MDN1: variants seen among roughly 807,000 people sequenced by gnomAD.
MDN1 encodes the protein midasin.
MDN1 carries 266 observed loss-of-function variants against 669.2 expected under a neutral mutation model. That is an observed-to-expected ratio of 0.40 (90% confidence interval 0.36 to 0.44). The LOEUF (loss-of-function observed/expected upper bound fraction) is 0.44, where lower values mean the gene tolerates loss of function less well. MDN1 is among the 20% of genes least tolerant of loss of function. The pLI, the probability that MDN1 is intolerant of heterozygous loss-of-function variation, is 1.00. For synonymous variants in MDN1, 2,385 were observed against 2,457.1 expected, an observed-to-expected ratio of 0.97 and a Z score of 0.87; for missense variants, 5,940 against 6,754.0, an observed-to-expected ratio of 0.88 and a Z score of 4.22.
chr6:89,650,599 T>C, intron 96 of MDN1, 133 bp downstream of exon 96: 1 of 665,468 alleles, frequency 1.5e-6, no homozygotes, highest in Non-Finnish European at 2.6e-6. Flanking sequence ...AGGAACAGCA[T>C]ACTGGTGCCT....
chr6:89,710,648 CAG>C, intron 50 of MDN1, 31 bp downstream of exon 50: 1 of 1,271,324 alleles, frequency 7.9e-7, no homozygotes, highest in East Asian at 2.7e-5. Context: ...GTTTCCAAAA[CAG>C]TGCTGAGAGC....
rs545445629 is a variant in MDN1 at position 89,789,593 on chromosome 6, CA to C, written c.1230+186del. 3.1e-3 allele frequency among the ~76,000 whole-genome samples: 479 copies of C among 152,274 alleles called. 1 individual carries two copies. Among genetic ancestry groups the C allele is most frequent in the Non-Finnish European group, 4.7e-3 (322 of 68,016 alleles). The stretch of plus-strand genomic sequence containing the variant: ...AATTTTATAGAAAATCTCTATCAAA[CA>C]AGAAACCAGTCAAGTAATTCAGGAC... On this transcript the variant is annotated intron_variant, in intron 7 of 101. Transcript: ENST00000369393.
intron 18 of MDN1, 52 bp downstream of exon 18, chr6:89,758,764 A>G: frequency 6.3e-7 from 1 of 1,593,494 alleles, no homozygotes; most frequent in South Asian, 1.1e-5. Context: ...CTCACTCTAA[A>G]GTGGCCACAG....
intron 1 of MDN1, 58 bp from the exon 2 acceptor site, chr6:89,803,612 C>T (rs1767808620): frequency 1.1e-5 from 14 of 1,259,358 alleles, no homozygotes; most frequent in East Asian, 7.5e-5. Context: ...GACACAGTCT[C>T]GCTCTGTCGC....
Position 89,685,873 on chromosome 6 carries a change from C to G in MDN1, c.11673G>C (p.Leu3891=). ...TCAGCAAGACATGACAATGGAAAACCAGTAACATCTGAAGTCGCACATGGA... is the reference window on the plus strand; with the variant it reads ...TCAGCAAGACATGACAATGGAAAACGAGTAACATCTGAAGTCGCACATGGA... The part of the protein sequence containing the change: ...GEFHVRLQML[L]VFHCHVLLMP... The change falls in exon 70 of 102, where the codon CTG becomes CTC. Residue 3891 remains leucine (L), a synonymous_variant. Coordinates refer to ENST00000369393, the MANE Select transcript of MDN1 (RefSeq NM_014611.3). 6.2e-7 allele frequency: 1 copy of G among 1,614,040 alleles called. No homozygotes were observed. The highest frequency in any genetic ancestry group is 8.5e-7 in the Non-Finnish European group (1 of 1,180,010).
At chr6:89,675,789 T>A in intron 77 of MDN1, 1 of 569,732 alleles carries the variant, frequency 1.8e-6, no homozygotes, top group East Asian at 2.9e-5. Context: ...CAAAATGCAT[T>A]TATTAGTGGT....
At chr6:89,676,637 A>G (rs1811214351) in intron 76 of MDN1, among the ~76,000 whole-genome samples, 3 of 152,314 alleles carry the variant, frequency 2.0e-5, no homozygotes, top group Non-Finnish European at 4.4e-5. Context: ...AAAGGAGGAA[A>G]CTACTATTCA....
At chr6:89,808,014 C>T (rs1768125789) in intron 1 of MDN1, among the ~76,000 whole-genome samples, 1 of 151,670 alleles carries the variant, frequency 6.6e-6, no homozygotes. Context: ...CAGGATCTCA[C>T]TTTGTTGCCC....
intron 33 of MDN1, 21 bp downstream of exon 33, chr6:89,738,305 T>C: frequency 2.5e-6 from 4 of 1,612,434 alleles, no homozygotes; most frequent in South Asian, 1.1e-5. Flanking sequence ...AATACTACCA[T>C]CACCACCTGC....
chr6:89,731,812 C>A (rs1317454806), intron 34 of MDN1, among the ~76,000 whole-genome samples: 3 of 42,870 alleles, frequency 7.0e-5, no homozygotes, highest in South Asian at 9.2e-4. Flanking sequence ...CCCCCCCCCA[C>A]CTTTTCCTTT....
chr6:89,701,485 G>A, intron 55 of MDN1, 73 bp downstream of exon 55: 1 of 1,554,202 alleles, frequency 6.4e-7, no homozygotes, highest in Non-Finnish European at 8.8e-7. Flanking sequence ...TACAATGTCA[G>A]TTCCCAAGTT....
chr6:89,809,397 A>G (rs1483678275), intron 1 of MDN1, among the ~76,000 whole-genome samples: 5 of 151,498 alleles, frequency 3.3e-5, no homozygotes, highest in Non-Finnish European at 7.4e-5. Context: ...TTGGGAGGCC[A>G]AGGCAGGCAG....
At chr6:89,723,742 T>C in intron 38 of MDN1, 123 bp from the exon 39 acceptor site, 1 of 492,444 alleles carries the variant, frequency 2.0e-6, no homozygotes, top group South Asian at 5.0e-5. Context: ...AGAAATATAA[T>C]TTTCAGTTAT....
intron 101 of MDN1, 130 bp downstream of exon 101, chr6:89,644,885 C>G: frequency 1.0e-6 from 1 of 1,004,720 alleles, no homozygotes; most frequent in African/African-American, 1.6e-5. Flanking sequence ...TACAATGGTA[C>G]TTGACAGAAT....
In MDN1 at chr6:89,661,506, C is replaced by A. The variant is rs1472380462; in HGVS notation, c.14638G>T (p.Asp4880Tyr). The change falls in exon 88 of 102, where the codon GAC becomes TAC. Residue 4880 changes from aspartate to tyrosine, a missense_variant. By Grantham distance (160) the Asp-to-Tyr change is radical. Around this residue, in one of 5 missense-constraint regions of MDN1, gnomAD observed 2,280 missense variants for 2,576.3 expected, o/e 0.88. Transcript: ENST00000369393. ...QEKVPEPEAL[D>Y]LPDDLNLDSE... The stretch of plus-strand genomic sequence containing the variant: ...TCGAGGTTCAAGTCATCTGGAAGGT[C>A]CAAAGCCTCGGGTTCTGGCACCTTT... The A allele has an allele frequency of 5.6e-6, 9 of 1,614,192 alleles. No individual in the cohort carries two copies. The highest frequency in any genetic ancestry group is 7.6e-6 in the Non-Finnish European group (9 of 1,180,016).
At chr6:89,776,541 A>G (rs1818364948) in intron 12 of MDN1, 59 bp downstream of exon 12, 8 of 1,341,190 alleles carry the variant, frequency 6.0e-6, no homozygotes, top group African/African-American at 1.5e-5. Flanking sequence ...ACCAGCAAGC[A>G]AGCAAGCAAA....
intron 2 of MDN1, 95 bp downstream of exon 2, chr6:89,803,233 C>T (rs918346004): frequency 3.3e-5 from 34 of 1,028,654 alleles, no homozygotes; most frequent in African/African-American, 6.3e-5. Flanking sequence ...TCTGTATTTC[C>T]GTTTTACCTT....
chr6:89,732,453 A>T, intron 34 of MDN1, 104 bp downstream of exon 34: 1 of 939,560 alleles, frequency 1.1e-6, no homozygotes, highest in Non-Finnish European at 1.6e-6. Flanking sequence ...AAATGTTCTG[A>T]GAAGTGATTC....
At chr6:89,728,749 C>T (rs1041814930) in intron 36 of MDN1, among the ~76,000 whole-genome samples, 182 bp downstream of exon 36, 1 of 151,968 alleles carries the variant, frequency 6.6e-6, no homozygotes, top group African/African-American at 2.4e-5. Context: ...GAGAATTGCA[C>T]CCCACTGCAC....
Sources: allele counts gnomAD v4.1 joint callset (sites outside exome capture counted in the v4.1 genomes callset), GRCh38; gene constraint gnomAD v4.1.1; regional missense constraint gnomAD v4.1.1; transcripts MANE v1.5; gene names NCBI Gene and HGNC (gene_info 2026-07-23, HGNC 2026-07-21).